CHPT1: variants seen among roughly 807,000 people sequenced by gnomAD.
CHPT1 encodes the protein choline phosphotransferase 1.
CHPT1 carries 36 observed loss-of-function variants against 47.6 expected under a neutral mutation model. That is an observed-to-expected ratio of 0.76 (90% CI 0.58 to 1.00). The LOEUF is 1.00. CHPT1 is among the 50% of genes least tolerant of loss of function. The pLI is 0.00. For missense variants in CHPT1, 458 were observed against 498.1 expected (o/e 0.92, Z 0.77); for synonymous variants, 194 against 186.3 (o/e 1.04, Z -0.33).
In CHPT1 at chr12:101,723,743, GA is replaced by G; in HGVS notation, c.963del (p.Glu321AspfsTer17). 6.3e-7 allele frequency: 1 copy of G among 1,575,612 alleles called. No individual in the cohort carries two copies. ...KLVVAHMTKSELYLQDTVFLG... is the reference protein window; with the variant it reads ...KLVVAHMTKSXLYLQDTVFLG... ...ATAGGTAGCTCACATGACCAAAAGT[GA>G]ACTATATCTTCAAGACACTGTCTTT... On this transcript the variant is annotated frameshift_variant, in exon 7 of 9. Transcript: ENST00000229266. LOFTEE classifies it high-confidence loss of function.
intron 7 of CHPT1, 99 bp downstream of exon 7, chr12:101,723,946 G>T: frequency 1.1e-6 from 1 of 883,416 alleles, no homozygotes; most frequent in Admixed American, 2.6e-5. Context: ...GCCAGGCGTG[G>T]TGACTCACGC....
chr12:101,698,094 C>T lies in CHPT1; in HGVS notation c.233C>T (p.Thr78Met), dbSNP rs763840656. 2.6e-6 allele frequency: 4 copies of T among 1,558,738 alleles called. No individual in the cohort carries two copies. Among genetic ancestry groups the T allele is most frequent in the Middle Eastern group, 1.7e-4 (1 of 5,944 alleles). The change falls in exon 1 of 9, where the codon ACG becomes ATG. Residue 78 changes from threonine (T) to methionine (M), a missense_variant. Coordinates refer to ENST00000229266, the MANE Select transcript of CHPT1 (RefSeq NM_020244.3). ...GGGCTCGCCGTCAACGTGGTCACCACGCTCGTGCTCATCTCCTACTGTCCC... is the reference window on the plus strand; with the variant it reads ...GGGCTCGCCGTCAACGTGGTCACCATGCTCGTGCTCATCTCCTACTGTCCC... ...LLGLAVNVVT[T>M]LVLISYCPTA...
chr12:101,724,754 A>ATAGATAT (rs11282151), intron 7 of CHPT1, among the ~76,000 whole-genome samples: 66,905 of 151,684 alleles, frequency 0.44, 15,166 homozygotes, highest in African/African-American at 0.56. Flanking sequence ...CGTGGATGAC[A>ATAGATAT]TAATTTCTAT....
intron 2 of CHPT1, 92 bp from the exon 3 acceptor site, chr12:101,714,412 T>C: frequency 8.2e-7 from 1 of 1,216,290 alleles, no homozygotes; most frequent in South Asian, 1.6e-5. Flanking sequence ...CATGATTATT[T>C]CCTTAGAGCT....
chr12:101,710,278 G>A (rs554746308), intron 1 of CHPT1, among the ~76,000 whole-genome samples: 1 of 148,946 alleles, frequency 6.7e-6, no homozygotes, highest in Non-Finnish European at 1.5e-5. Context: ...CCTGGGAGGC[G>A]GATGTTGCAG....
chr12:101,712,229 C>T lies in CHPT1; in HGVS notation c.274-1861C>T, dbSNP rs973243167. On this transcript the variant is annotated intron_variant, in intron 1 of 8. Transcript: ENST00000229266. ...TAGAGATGGGGTTCACCATGTTGCC[C>T]AGGCTGGTCTTGAACCCCTGGGCTT... Among the ~76,000 whole-genome samples, 6 of 148,022 alleles carry T rather than the reference C, an allele frequency of 4.1e-5. 1 individual carries two copies. Among genetic ancestry groups the T allele is most frequent in the African/African-American group, 1.5e-4 (6 of 40,920 alleles).
chr12:101,723,936 G>A, intron 7 of CHPT1, 89 bp downstream of exon 7: 2 of 999,198 alleles, frequency 2.0e-6, no homozygotes, highest in Non-Finnish European at 3.0e-6. Flanking sequence ...TCTAGTCTAG[G>A]CCAGGCGTGG....
chr12:101,723,945 G>A (rs746805199), intron 7 of CHPT1, 98 bp downstream of exon 7: 16 of 891,956 alleles, frequency 1.8e-5, no homozygotes, highest in Non-Finnish European at 2.6e-5. Flanking sequence ...GGCCAGGCGT[G>A]GTGACTCACG....
intron 4 of CHPT1, chr12:101,719,796 A>C (rs1951820277): frequency 4.2e-6 from 1 of 237,902 alleles, no homozygotes; most frequent in Non-Finnish European, 8.3e-6. Context: ...GTTTCAAAAA[A>C]AAGTCACTTT....
intron 4 of CHPT1, among the ~76,000 whole-genome samples, chr12:101,718,267 A>G (rs1482742928): frequency 6.6e-6 from 1 of 152,192 alleles, no homozygotes; most frequent in African/African-American, 2.4e-5. Context: ...AATGTAAACT[A>G]TGAACTTTGG....
At chr12:101,706,444 C>T (rs1951634314) in intron 1 of CHPT1, among the ~76,000 whole-genome samples, 2 of 152,068 alleles carry the variant, frequency 1.3e-5, no homozygotes, top group African/African-American at 4.8e-5. Context: ...ATACAAATGA[C>T]ATCACATCGA....
chr12:101,723,458 A>C (rs750872768), intron 6 of CHPT1, 132 bp downstream of exon 6: 52 of 645,066 alleles, frequency 8.1e-5, no homozygotes, highest in Non-Finnish European at 1.2e-4. Flanking sequence ...TTTGTGCTCC[A>C]AGCAAAACTG....
intron 4 of CHPT1, chr12:101,717,100 A>G: frequency 2.6e-6 from 1 of 391,722 alleles, no homozygotes; most frequent in South Asian, 2.3e-5. Context: ...AACAAAAAAC[A>G]CACATTGGAA....
chr12:101,716,476 T>C (rs1047374942), intron 3 of CHPT1, among the ~76,000 whole-genome samples: 2 of 152,208 alleles, frequency 1.3e-5, no homozygotes, highest in African/African-American at 4.8e-5. Context: ...GTGATAACTA[T>C]TAGCAATTTG....
intron 1 of CHPT1, among the ~76,000 whole-genome samples, chr12:101,709,213 T>C (rs1405776031): frequency 6.8e-6 from 1 of 146,796 alleles, no homozygotes; most frequent in Non-Finnish European, 1.5e-5. Context: ...CTGGGTAGCA[T>C]AGCCAGATGC....
intron 1 of CHPT1, among the ~76,000 whole-genome samples, chr12:101,712,308 G>A (rs948370982): frequency 3.4e-5 from 5 of 148,374 alleles, no homozygotes; most frequent in Non-Finnish European, 1.5e-5. Flanking sequence ...GGTGTGAGCC[G>A]CCGAACCTGG....
chr12:101,699,332 G>T lies in CHPT1; in HGVS notation c.273+1198G>T, dbSNP rs1200005135. The stretch of plus-strand genomic sequence containing the variant: ...ATCCTTTAAAAACAAAAATTTGATC[G>T]AGCCTACATTTTAAAATATCTTGTC... On this transcript the variant is annotated intron_variant, in intron 1 of 8. Coordinates refer to ENST00000229266, the MANE Select transcript of CHPT1 (RefSeq NM_020244.3). Among the ~76,000 whole-genome samples, 3 of 151,208 alleles carry T rather than the reference G, an allele frequency of 2.0e-5. No homozygotes were observed. The East Asian group carries it at 5.8e-4, about 29-fold the overall frequency.
At chr12:101,724,863 TTGG>T (rs1404259821) in intron 7 of CHPT1, among the ~76,000 whole-genome samples, 1 of 152,186 alleles carries the variant, frequency 6.6e-6, no homozygotes, top group African/African-American at 2.4e-5. Flanking sequence ...AATTACAAAG[TTGG>T]ATAAATGGAG....
At chr12:101,704,637 G>A (rs1247606265) in intron 1 of CHPT1, among the ~76,000 whole-genome samples, 1 of 143,998 alleles carries the variant, frequency 6.9e-6, no homozygotes, top group Non-Finnish European at 1.5e-5. Flanking sequence ...CTGACCTCGG[G>A]TGATCCACCC....
Sources: allele counts gnomAD v4.1 joint callset (sites outside exome capture counted in the v4.1 genomes callset), GRCh38; gene constraint gnomAD v4.1.1; transcripts MANE v1.5; gene names NCBI Gene and HGNC (gene_info 2026-07-23, HGNC 2026-07-21).